Variants in WNT7A observed in about 807,000 individuals in gnomAD.
WNT7A encodes the protein Wnt family member 7A, also known as protein Wnt-7a.
In WNT7A, 16 loss-of-function variants were observed where a neutral mutation model predicts 28.2. The ratio of observed to expected loss-of-function variants is 0.57; its 90% CI spans 0.38 to 0.86. WNT7A has a LOEUF of 0.86. Among genes scored for constraint, WNT7A ranks in the 40% least tolerant of loss-of-function variants. The pLI is 0.00. For synonymous variants in WNT7A, 190 were observed against 195.9 expected (o/e 0.97, Z 0.25); for missense variants, 411 against 489.7 (o/e 0.84, Z 1.52).
rs565902923 is a variant in WNT7A, at chr3:13,870,699, A to G, written c.298+4248T>C. ...AACTTCTCCAAGTGCTGCTAGAGAA[A>G]GGCCAATGCTCTTTCTGGGGGTACT... On this transcript the variant is annotated intron_variant, in intron 2 of 3. Coordinates refer to ENST00000285018, the MANE Select transcript of WNT7A (RefSeq NM_004625.4). 1.2e-4 allele frequency among the ~76,000 whole-genome samples: 18 copies of G among 152,348 alleles called. No individual in the cohort carries two copies. In the South Asian group the frequency reaches 3.7e-3, roughly 32 times the overall value.
intron 2 of WNT7A, among the ~76,000 whole-genome samples, chr3:13,858,861 T>A (rs1164584966): frequency 6.6e-6 from 1 of 152,174 alleles, no homozygotes; most frequent in Non-Finnish European, 1.5e-5. Context: ...TAGACTGGGA[T>A]GATCCAATCC....
chr3:13,829,973 G>A (rs183909057), intron 3 of WNT7A, among the ~76,000 whole-genome samples: 4 of 152,212 alleles, frequency 2.6e-5, no homozygotes, highest in Admixed American at 6.5e-5. Context: ...CCCTCCCAGC[G>A]CTGGAGGCAT....
intron 2 of WNT7A, among the ~76,000 whole-genome samples, chr3:13,863,175 T>C (rs1163140763): frequency 6.6e-6 from 1 of 152,170 alleles, no homozygotes; most frequent in Non-Finnish European, 1.5e-5. Flanking sequence ...CTAGATGCGT[T>C]ATTGGTTAGC....
chr3:13,843,317 C>T (rs146360615), intron 3 of WNT7A, among the ~76,000 whole-genome samples: 341 of 152,268 alleles, frequency 2.2e-3, no homozygotes, highest in African/African-American at 7.7e-3. Flanking sequence ...GAGCGTAGGA[C>T]GAGGCACTCC....
At chr3:13,832,483 C>G (rs544018989) in intron 3 of WNT7A, among the ~76,000 whole-genome samples, 1 of 151,842 alleles carries the variant, frequency 6.6e-6, no homozygotes, top group African/African-American at 2.4e-5. Flanking sequence ...CCTCCTCCTC[C>G]CCCTCCTCAG....
rs1694751548 is a variant in WNT7A, at chr3:13,856,956, GAAGAAGA to G, written c.299-2160_299-2154del. Reference sequence around the variant, plus strand: ...AGAAGAAGAAGAAGAAGAAGAAGAAGAAGAAGAAGAAGGAGAAGAAGAAGAAGAAGGA... The same window carrying G: ...AGAAGAAGAAGAAGAAGAAGAAGAAGAGAAGGAGAAGAAGAAGAAGAAGGA... On this transcript the variant is annotated intron_variant, in intron 2 of 3. Coordinates refer to ENST00000285018, the MANE Select transcript of WNT7A (RefSeq NM_004625.4). Among the ~76,000 whole-genome samples the G allele has an allele frequency of 4.0e-5, 5 of 124,806 alleles. 1 individual carries two copies. Among genetic ancestry groups the G allele is most frequent in the South Asian group, 2.7e-4 (1 of 3,764 alleles). The allele number at this position is 124,806 out of a possible 152,430, so 81.9% of individuals were successfully genotyped here.
intron 3 of WNT7A, among the ~76,000 whole-genome samples, chr3:13,820,261 G>T (rs1694086142): frequency 6.6e-6 from 1 of 152,166 alleles, no homozygotes; most frequent in African/African-American, 2.4e-5. Context: ...AATTGCTTTT[G>T]CTTGTTATAT....
intron 2 of WNT7A, among the ~76,000 whole-genome samples, chr3:13,871,274 T>C (rs1406299087): frequency 6.6e-6 from 1 of 152,186 alleles, no homozygotes. Flanking sequence ...AAGACAGCCC[T>C]TGTTAGCTGG....
At chr3:13,864,577 T>G (rs758819690) in intron 2 of WNT7A, among the ~76,000 whole-genome samples, 3 of 152,082 alleles carry the variant, frequency 2.0e-5, no homozygotes, top group Non-Finnish European at 4.4e-5. Flanking sequence ...TCCCAGTTTG[T>G]CCCCACCAGA....
chr3:13,818,826 G>A lies in WNT7A; in HGVS notation c.*118C>T. On this transcript the variant is annotated 3_prime_UTR_variant, in exon 4 of 4. Transcript: ENST00000285018. ...GATGCCTGCAGGAAACCCAGGAAAA[G>A]TACCCTCCTCAGCAGAAAAGACAAG... 1 of 1,420,196 alleles carries A rather than the reference G, an allele frequency of 7.0e-7. No individual in the cohort carries two copies. The highest frequency in any genetic ancestry group is 9.2e-7 in the Non-Finnish European group (1 of 1,081,176). 88.0% of individuals were successfully genotyped at this position (1,420,196 alleles called of 1,614,324 possible). A position where few individuals can be genotyped will look rare whatever the true frequency, so the allele number is the denominator to read the frequency against.
chr3:13,842,904 G>A (rs992355572), intron 3 of WNT7A, among the ~76,000 whole-genome samples: 2 of 152,204 alleles, frequency 1.3e-5, no homozygotes, highest in African/African-American at 4.8e-5. Context: ...GTCCTGGAAT[G>A]TGGTGTGTAC....
At position 13,818,905 on chromosome 3, in the gene WNT7A, A is replaced by T; in HGVS notation, c.*39T>A. 1.3e-6 allele frequency: 2 copies of T among 1,542,408 alleles called. No homozygotes were observed. The highest frequency in any genetic ancestry group is 3.7e-5 in the Admixed American group (2 of 54,422). ...TTGGAAACGGTCCAGTCCTCCCAGCAATCTGACTTGCAGCGGGAGGGTGGT... is the reference window on the plus strand; with the variant it reads ...TTGGAAACGGTCCAGTCCTCCCAGCTATCTGACTTGCAGCGGGAGGGTGGT... On this transcript the variant is annotated 3_prime_UTR_variant, in exon 4 of 4. Transcript: ENST00000285018.
intron 3 of WNT7A, among the ~76,000 whole-genome samples, chr3:13,823,750 A>G (rs1694147141): frequency 6.6e-6 from 1 of 152,264 alleles, no homozygotes; most frequent in African/African-American, 2.4e-5. Context: ...AAATCTGTGA[A>G]TCTGGTGTCT....
chr3:13,819,783 C>G (rs1378650258), intron 3 of WNT7A, among the ~76,000 whole-genome samples: 8 of 152,186 alleles, frequency 5.3e-5, no homozygotes. Context: ...AGAAGTTGGA[C>G]ACCAAAGAGG....
Position 13,874,842 on chromosome 3 carries a change from A to G in WNT7A, c.298+105T>C, listed in dbSNP as rs1211559168. On this transcript the variant is annotated intron_variant, in intron 2 of 3. Coordinates refer to ENST00000285018, the MANE Select transcript of WNT7A (RefSeq NM_004625.4). Reference sequence around the variant, plus strand: ...CACCTGCAGGACCCCATACTGAGGGATATTCTAGCAGGGGCAGGTGAGGGA... The same window carrying G: ...CACCTGCAGGACCCCATACTGAGGGGTATTCTAGCAGGGGCAGGTGAGGGA... 6 of 1,165,018 alleles carry G rather than the reference A, an allele frequency of 5.2e-6. No homozygotes were observed. In the Admixed American group the frequency reaches 1.2e-4, roughly 23 times the overall value. 72.2% of individuals were successfully genotyped at this position (1,165,018 alleles called of 1,614,324 possible). A position where few individuals can be genotyped will look rare whatever the true frequency, so the allele number is the denominator to read the frequency against.
intron 1 of WNT7A, among the ~76,000 whole-genome samples, chr3:13,878,480 G>T (rs1231030557): frequency 6.6e-6 from 1 of 152,142 alleles, no homozygotes; most frequent in Non-Finnish European, 1.5e-5. Flanking sequence ...ACACCGGCAG[G>T]CTGGCGGTAC....
At position 13,854,793 on chromosome 3, in the gene WNT7A, C is replaced by T. The variant is rs778799037; in HGVS notation, c.309G>A (p.Glu103=). 6 of 1,612,752 alleles carry T rather than the reference C, an allele frequency of 3.7e-6. No homozygotes were observed. In the South Asian group the frequency reaches 5.5e-5, roughly 15 times the overall value. ...CAATGATGGCGTAGGTGAACGCAGC[C>T]TCCCGGCTCCCTGCGAGGAGGAGAG... ...FGKELKVGSR[E]AAFTYAIIAA... is the part of the protein sequence containing the mutation. The change falls in exon 3 of 4, where the codon GAG becomes GAA. Residue 103 remains glutamate, a synonymous_variant. Coordinates refer to ENST00000285018, the MANE Select transcript of WNT7A (RefSeq NM_004625.4).
rs374100263 is a variant in WNT7A at position 13,819,402 on chromosome 3, G to T, written c.592C>A (p.Leu198Met). The part of the protein sequence containing the change: ...GRKILEENMK[L>M]ECKCHGVSGS... ...GACACGCCGTGGCACTTACATTCCA[G>T]CTTCATGTTCTCCTCCAGGATCTGC... Residue 198 changes from leucine (L) to methionine (M), a missense_variant, in exon 4 of 4, where the codon CTG becomes ATG. Coordinates refer to ENST00000285018, the MANE Select transcript of WNT7A (RefSeq NM_004625.4). 6.2e-7 allele frequency: 1 copy of T among 1,613,528 alleles called. No homozygotes were observed. The highest frequency in any genetic ancestry group is 8.5e-7 in the Non-Finnish European group (1 of 1,179,974).
chr3:13,868,702 AAGAAAG>A (rs1559307140), intron 2 of WNT7A, among the ~76,000 whole-genome samples: 10 of 100,536 alleles, frequency 9.9e-5, no homozygotes, highest in African/African-American at 4.1e-4. Context: ...GAAAGAAAGA[AAGAAAG>A]AAAGAAAGAA....
Sources: allele counts gnomAD v4.1 joint callset (sites outside exome capture counted in the v4.1 genomes callset), GRCh38; gene constraint gnomAD v4.1.1; transcripts MANE v1.5; gene names NCBI Gene and HGNC (gene_info 2026-07-23, HGNC 2026-07-21).